Variants in LAMC1 observed in about 807,000 individuals in gnomAD.
LAMC1 encodes the protein laminin subunit gamma-1.
Under a neutral mutation model 173.6 loss-of-function variants are expected in LAMC1, and 38 were observed. The observed-to-expected ratio is 0.22, with a 90% CI of 0.17 to 0.29. LAMC1 has a LOEUF of 0.29. LAMC1 is among the 10% of genes least tolerant of loss of function. The probability of loss-of-function intolerance (pLI) is 1.00; values close to 1 mark genes in which losing one functional copy is unlikely to be tolerated. For missense variants in LAMC1, 1,824 were observed against 2,051.8 expected, an observed-to-expected ratio of 0.89 and a Z score of 2.14; for synonymous variants, 746 against 749.1, an observed-to-expected ratio of 1.00 and a Z score of 0.07.
intron 4 of LAMC1, among the ~76,000 whole-genome samples, chr1:183,112,127 G>A (rs917435212): frequency 2.6e-5 from 4 of 152,014 alleles, no homozygotes; most frequent in African/African-American, 2.4e-5. Context: ...CTGAACTGCC[G>A]AGAGGAGATT....
chr1:183,143,731 G>C lies in LAMC1; in HGVS notation c.*941G>C, dbSNP rs1244979966. The C allele has an allele frequency of 6.6e-6, 1 of 152,142 alleles. No individual in the cohort carries two copies. Among genetic ancestry groups the C allele is most frequent in the Non-Finnish European group, 1.5e-5 (1 of 68,012 alleles). The allele number at this position is 152,142 out of a possible 1,614,324, so 9.4% of individuals were successfully genotyped here. On this transcript the variant is annotated 3_prime_UTR_variant, in exon 28 of 28. Transcript: ENST00000258341. ...GAGAACAGTTAATCCCTAAGGTCTT[G>C]ACAAAACAGAAGAAAAACAAGCCTC... is the stretch of plus-strand genomic sequence containing the variant.
At chr1:183,066,844 T>C (rs1026046357) in intron 1 of LAMC1, among the ~76,000 whole-genome samples, 2 of 152,074 alleles carry the variant, frequency 1.3e-5, no homozygotes, top group African/African-American at 4.8e-5. Flanking sequence ...TTAGGAGAAA[T>C]ACCTAATGTA....
intron 1 of LAMC1, among the ~76,000 whole-genome samples, chr1:183,029,720 T>C (rs111963306): frequency 6.7e-4 from 102 of 152,334 alleles, no homozygotes; most frequent in African/African-American, 2.4e-3. Context: ...CCCTATCACA[T>C]AGGATTATCT....
At position 183,115,704 on chromosome 1, in the gene LAMC1, C is replaced by T. The variant is rs1296139687; in HGVS notation, c.1328+67C>T. ...ATATAGTCAACACATATTAATAGAT[C>T]TTATGGCTTATTGGCAGCAGGGTAA... On this transcript the variant is annotated intron_variant, in intron 6 of 27. Coordinates refer to ENST00000258341, the MANE Select transcript of LAMC1 (RefSeq NM_002293.4). The T allele has an allele frequency of 6.8e-6, 7 of 1,027,194 alleles. No homozygotes were observed. In the Admixed American group the frequency reaches 6.9e-5, roughly 10 times the overall value. The allele number at this position is 1,027,194 out of a possible 1,614,324, so 63.6% of individuals were successfully genotyped here. A position where few individuals can be genotyped will look rare whatever the true frequency, so the allele number is the denominator to read the frequency against.
At chr1:183,125,619 G>A in intron 15 of LAMC1, 69 bp downstream of exon 15, 1 of 1,213,242 alleles carries the variant, frequency 8.2e-7, no homozygotes, top group Non-Finnish European at 1.2e-6. Context: ...ATTTTTATAA[G>A]TACATTTAAT....
chr1:183,077,776 G>GTGTGTGTGTATATATA lies in LAMC1; in HGVS notation c.419-25551_419-25550insGTGTGTGTATATATAT. On this transcript the variant is annotated intron_variant, in intron 1 of 27. Coordinates refer to ENST00000258341, the MANE Select transcript of LAMC1 (RefSeq NM_002293.4). ...TGAATAGTATTTTTATGGCCATTGTGTATATATATATATATATATACAGTA... is the reference window on the plus strand; with the variant it reads ...TGAATAGTATTTTTATGGCCATTGTGTGTGTGTGTATATATATATATATATATATATATATACAGTA... Among the ~76,000 whole-genome samples, 28 of 116,548 alleles carry GTGTGTGTGTATATATA rather than the reference G, an allele frequency of 2.4e-4. 1 individual carries two copies. Among genetic ancestry groups the GTGTGTGTGTATATATA allele is most frequent in the Middle Eastern group, 4.6e-3 (1 of 218 alleles). The allele number at this position is 116,548 out of a possible 152,430, so 76.5% of individuals were successfully genotyped here.
At chr1:183,083,718 A>C (rs1355390857) in intron 1 of LAMC1, among the ~76,000 whole-genome samples, 1 of 152,224 alleles carries the variant, frequency 6.6e-6, no homozygotes, top group Non-Finnish European at 1.5e-5. Flanking sequence ...CATGTTTTAA[A>C]TCACATATAT....
At position 183,115,991 on chromosome 1, in the gene LAMC1, G is replaced by A. The variant is rs567534833; in HGVS notation, c.1328+354G>A. On this transcript the variant is annotated intron_variant, in intron 6 of 27. Transcript: ENST00000258341. Reference sequence around the variant, plus strand: ...AAAATACAAAAAAAATTAGCCAGGCGTGGTGGCGGGCAGCAGTAGTCCCAG... The same window carrying A: ...AAAATACAAAAAAAATTAGCCAGGCATGGTGGCGGGCAGCAGTAGTCCCAG... 1.2e-4 allele frequency among the ~76,000 whole-genome samples: 19 copies of A among 152,178 alleles called. 1 individual carries two copies. The highest frequency in any genetic ancestry group is 7.9e-4 in the Admixed American group (12 of 15,286).
chr1:183,048,824 T>G (rs1460062297), intron 1 of LAMC1, among the ~76,000 whole-genome samples: 1 of 152,172 alleles, frequency 6.6e-6, no homozygotes, highest in Non-Finnish European at 1.5e-5. Flanking sequence ...TAAATAGTCT[T>G]CTGCCCCTAT....
intron 1 of LAMC1, among the ~76,000 whole-genome samples, chr1:183,061,758 A>G (rs2102032381): frequency 6.6e-6 from 1 of 152,360 alleles, no homozygotes; most frequent in South Asian, 2.1e-4. Context: ...TGTTGAGGTG[A>G]ATACACACAT....
intron 4 of LAMC1, among the ~76,000 whole-genome samples, chr1:183,112,335 G>A (rs1656184457): frequency 6.6e-6 from 1 of 152,200 alleles, no homozygotes; most frequent in Non-Finnish European, 1.5e-5. Context: ...GGACATGTGT[G>A]CTTGAAAAGC....
intron 1 of LAMC1, among the ~76,000 whole-genome samples, chr1:183,062,650 A>C (rs927297290): frequency 2.0e-5 from 3 of 152,122 alleles, no homozygotes; most frequent in Non-Finnish European, 4.4e-5. Flanking sequence ...GTCTAAAAAA[A>C]TAAAAAACTT....
At position 183,142,650 on chromosome 1, in the gene LAMC1, G is replaced by A; in HGVS notation, c.4690G>A (p.Glu1564Lys). Reference sequence around the variant, plus strand: ...TAGGAAAGTGTCTGACCTGGAGAATGAAGCCAAGAAGCAGGAGGCTGCCAT... The same window carrying A: ...TAGGAAAGTGTCTGACCTGGAGAATAAAGCCAAGAAGCAGGAGGCTGCCAT... ...LDRKVSDLEN[E>K]AKKQEAAIMD... The change falls in exon 28 of 28, where the codon GAA becomes AAA. Residue 1564 changes from glutamate to lysine, a missense_variant. Physicochemically the swap from Glu to Lys is moderately conservative, Grantham distance 56. Transcript: ENST00000258341. The A allele has an allele frequency of 6.2e-7, 1 of 1,614,136 alleles. No individual in the cohort carries two copies. The highest frequency in any genetic ancestry group is 8.5e-7 in the Non-Finnish European group (1 of 1,180,004).
chr1:183,126,976 A>G (rs1349803077), intron 16 of LAMC1, among the ~76,000 whole-genome samples: 1 of 152,332 alleles, frequency 6.6e-6, no homozygotes, highest in East Asian at 1.9e-4. Flanking sequence ...AACTTCTCTA[A>G]TTGCTAAGTA....
rs372231779 is a variant in LAMC1, at chr1:183,126,138, G to A, written c.2820G>A (p.Leu940=). ...QGCERCDCHA[L]GSTNGQCDIR... is the part of the protein sequence containing the mutation. ...TTTTCAGGTGTGACTGCCATGCCTTGGGCTCCACCAATGGGCAGTGTGACA... is the reference window on the plus strand; with the variant it reads ...TTTTCAGGTGTGACTGCCATGCCTTAGGCTCCACCAATGGGCAGTGTGACA... Residue 940 remains leucine, a synonymous_variant, in exon 16 of 28, where the codon TTG becomes TTA. Coordinates refer to ENST00000258341, the MANE Select transcript of LAMC1 (RefSeq NM_002293.4). 1 of 1,614,042 alleles carries A rather than the reference G, an allele frequency of 6.2e-7. No homozygotes were observed. The highest frequency in any genetic ancestry group is 8.5e-7 in the Non-Finnish European group (1 of 1,180,000).
At chr1:183,094,388 T>C (rs754809161) in intron 1 of LAMC1, among the ~76,000 whole-genome samples, 4 of 152,246 alleles carry the variant, frequency 2.6e-5, no homozygotes, top group Non-Finnish European at 4.4e-5. Context: ...ACTTCGTTTT[T>C]CACCGTCATC....
At chr1:183,138,213 T>C in intron 26 of LAMC1, 1 of 976,564 alleles carries the variant, frequency 1.0e-6, no homozygotes, top group Non-Finnish European at 1.2e-6. Flanking sequence ...AAGACAAGTT[T>C]CTTGTATATA....
In LAMC1 at chr1:183,117,317, C is replaced by T. The variant is rs144770763; in HGVS notation, c.1565-3C>T. On this transcript the variant is annotated splice_region_variant and splice_polypyrimidine_tract_variant and intron_variant, in intron 8 of 27. Transcript: ENST00000258341. The stretch of plus-strand genomic sequence containing the variant: ...TGCTTGTGTTTTCCTTCTCTACCTG[C>T]AGATGAGGATGGGTGGCGTGCGGAA... The T allele has an allele frequency of 1.2e-6, 2 of 1,600,294 alleles. No individual in the cohort carries two copies. The highest frequency in any genetic ancestry group is 1.3e-5 in the African/African-American group (1 of 74,790).
rs1463648232 is a variant in LAMC1 at position 183,110,572 on chromosome 1, A to G, written c.939A>G (p.Gly313=). ...GTAATTGCAAACATAACACATATGG[A>G]GTAGACTGTGAAAAGTGTCTTCCTT... ...LVCNCKHNTY[G]VDCEKCLPFF... The change falls in exon 4 of 28, where the codon GGA becomes GGG. Residue 313 remains glycine, a synonymous_variant. Transcript: ENST00000258341. The G allele has an allele frequency of 2.5e-6, 4 of 1,614,114 alleles. No homozygotes were observed. The African/African-American group carries it at 5.3e-5, about 22-fold the overall frequency.
Sources: allele counts gnomAD v4.1 joint callset (sites outside exome capture counted in the v4.1 genomes callset), GRCh38; gene constraint gnomAD v4.1.1; transcripts MANE v1.5; gene names NCBI Gene and HGNC (gene_info 2026-07-23, HGNC 2026-07-21).